The following GNG2 variants were observed in gnomAD, a reference collection of about 807,000 sequenced individuals.
The protein encoded by GNG2 is guanine nucleotide-binding protein G(I)/G(S)/G(O) subunit gamma-2.
Under a neutral mutation model 5.5 loss-of-function variants are expected in GNG2, and 5 were observed. That is an observed-to-expected ratio of 0.91 (90% CI 0.48 to 1.92). The LOEUF (loss-of-function observed/expected upper bound fraction) is 1.92. Among genes scored for constraint, GNG2 ranks in the 30% most tolerant of loss-of-function variants. The pLI is 0.01. For missense variants in GNG2, 55 were observed against 88.4 expected (o/e 0.62, Z 1.52); for synonymous variants, 28 against 32.0 (o/e 0.88, Z 0.42).
chr14:51,948,202 C>T (rs182398040), intron 2 of GNG2, among the ~76,000 whole-genome samples: 13 of 152,250 alleles, frequency 8.5e-5, no homozygotes, highest in South Asian at 4.2e-4. Context: ...ATGTATCTTT[C>T]GGCTAAATAC....
At chr14:51,902,278 G>C (rs1157328221) in intron 2 of GNG2, among the ~76,000 whole-genome samples, 3 of 152,032 alleles carry the variant, frequency 2.0e-5, no homozygotes, top group Non-Finnish European at 4.4e-5. Context: ...AATATAATAG[G>C]TACATATTTG....
At chr14:51,879,372 G>A (rs1426896102) in intron 2 of GNG2, among the ~76,000 whole-genome samples, 2 of 152,190 alleles carry the variant, frequency 1.3e-5, no homozygotes, top group African/African-American at 2.4e-5. Flanking sequence ...TAAACATGAG[G>A]TAATGGTCAA....
intron 2 of GNG2, among the ~76,000 whole-genome samples, chr14:51,925,207 G>A (rs1887237690): frequency 6.6e-6 from 1 of 152,306 alleles, no homozygotes; most frequent in South Asian, 2.1e-4. Flanking sequence ...TTGTATACAT[G>A]TATGAAAATA....
At chr14:51,909,078 T>C (rs895995697) in intron 2 of GNG2, among the ~76,000 whole-genome samples, 6 of 152,184 alleles carry the variant, frequency 3.9e-5, no homozygotes, top group Admixed American at 3.3e-4. Flanking sequence ...CTGAATCTCA[T>C]TGTTTTCACT....
chr14:51,950,843 G>T, intron 3 of GNG2, 78 bp downstream of exon 3: 1 of 766,918 alleles, frequency 1.3e-6, no homozygotes, highest in Non-Finnish European at 2.0e-6. Flanking sequence ...TCCTAGAGAG[G>T]GATAAAACCA....
intron 1 of GNG2, among the ~76,000 whole-genome samples, chr14:51,876,585 A>G (rs758304783): frequency 1.6e-4 from 24 of 152,262 alleles, no homozygotes; most frequent in Middle Eastern, 3.4e-3. Context: ...TCATTCTCCG[A>G]AAATAAGTTG....
At position 51,886,119 on chromosome 14, in the gene GNG2, C is replaced by T. The variant is rs149241295; in HGVS notation, c.-30+8462C>T. On this transcript the variant is annotated intron_variant, in intron 2 of 3. Transcript: ENST00000556766. ...CCAAAAAATGGCTTAAAGCTTCAAT[C>T]GAAGTGGAATACCATATGCAAAAAA... 2.1e-4 allele frequency among the ~76,000 whole-genome samples: 32 copies of T among 152,210 alleles called. No homozygotes were observed. In the East Asian group the frequency reaches 3.5e-3, roughly 17 times the overall value.
intron 2 of GNG2, among the ~76,000 whole-genome samples, chr14:51,921,465 T>C (rs1887010683): frequency 1.3e-5 from 2 of 152,206 alleles, no homozygotes; most frequent in South Asian, 2.1e-4. Flanking sequence ...AATTGACATT[T>C]CCACAATTCT....
chr14:51,833,097 A>T (rs1881240100), intron 2 of GNG2, among the ~76,000 whole-genome samples: 2 of 152,168 alleles, frequency 1.3e-5, no homozygotes, highest in Non-Finnish European at 2.9e-5. Context: ...CCTGAAGCTT[A>T]TACAATTTGT....
intron 2 of GNG2, among the ~76,000 whole-genome samples, chr14:51,878,349 G>C (rs1883816022): frequency 6.6e-6 from 1 of 152,134 alleles, no homozygotes; most frequent in African/African-American, 2.4e-5. Flanking sequence ...AAAGTAGAGA[G>C]AATAATATAA....
upstream of GNG2, among the ~76,000 whole-genome samples, chr14:51,855,523 A>G (rs1042499553): frequency 1.3e-5 from 2 of 152,252 alleles, no homozygotes; most frequent in African/African-American, 4.8e-5. Context: ...AGAGGCTTCT[A>G]TTCCCTTTAG....
intron 2 of GNG2, among the ~76,000 whole-genome samples, chr14:51,830,155 T>G (rs1172577628): frequency 6.6e-6 from 1 of 152,258 alleles, no homozygotes; most frequent in African/African-American, 2.4e-5. Flanking sequence ...CCCTACTTCT[T>G]GAAGTGCTTG....
At chr14:51,944,836 G>T (rs536854552) in intron 2 of GNG2, among the ~76,000 whole-genome samples, 1 of 152,284 alleles carries the variant, frequency 6.6e-6, no homozygotes, top group African/African-American at 2.4e-5. Context: ...CAGTTCAACG[G>T]AGTGAAAAGA....
chr14:51,873,782 A>G (rs1339576995), intron 1 of GNG2: 1 of 152,270 alleles, frequency 6.6e-6, no homozygotes, highest in Non-Finnish European at 1.5e-5. Context: ...TGATCTCAGC[A>G]TATTATTCTA....
At chr14:51,887,563 T>C (rs931273792) in intron 2 of GNG2, among the ~76,000 whole-genome samples, 1 of 152,202 alleles carries the variant, frequency 6.6e-6, no homozygotes, top group South Asian at 2.1e-4. Context: ...TCCTAAAGCA[T>C]CAACCTCTTC....
At chr14:51,901,963 TAAAAAAAA>T (rs34308582) in intron 2 of GNG2, among the ~76,000 whole-genome samples, 3 of 56,428 alleles carry the variant, frequency 5.3e-5, no homozygotes, top group African/African-American at 2.0e-4. Context: ...TAACAATCTG[TAAAAAAAA>T]AAAAAAAAAA....
At chr14:51,831,181 C>T (rs1012679750) in intron 2 of GNG2, among the ~76,000 whole-genome samples, 2 of 152,174 alleles carry the variant, frequency 1.3e-5, no homozygotes, top group African/African-American at 4.8e-5. Context: ...TCCCAGAGGC[C>T]CCTGCGTTTA....
intron 2 of GNG2, among the ~76,000 whole-genome samples, chr14:51,928,310 G>A (rs529995198): frequency 9.9e-5 from 15 of 152,130 alleles, no homozygotes; most frequent in African/African-American, 2.4e-4. Flanking sequence ...AATTACAGGC[G>A]CGGTGGCTCA....
chr14:51,827,894 A>G (rs1881070709), intron 2 of GNG2: 1 of 612,586 alleles, frequency 1.6e-6, no homozygotes. Flanking sequence ...TGGAAAGAGT[A>G]AAGAGCTTGG....
Sources: allele counts gnomAD v4.1 joint callset (sites outside exome capture counted in the v4.1 genomes callset), GRCh38; gene constraint gnomAD v4.1.1; transcripts MANE v1.5; gene names NCBI Gene and HGNC (gene_info 2026-07-23, HGNC 2026-07-21).